KCNMA1: variants seen among roughly 807,000 people sequenced by gnomAD.
KCNMA1 encodes potassium calcium-activated channel subfamily M alpha 1.
Under a neutral mutation model 140.0 loss-of-function variants are expected in KCNMA1, and 29 were observed. That is an observed-to-expected ratio of 0.21 (90% confidence interval 0.15 to 0.28). The LOEUF (loss-of-function observed/expected upper bound fraction) is 0.28. KCNMA1 is among the 10% of genes least tolerant of loss of function. The pLI is 1.00. For synonymous variants in KCNMA1, 612 were observed against 611.9 expected, an observed-to-expected ratio of 1.00 and a Z score of 0.00; for missense variants, 880 against 1,602.2, an observed-to-expected ratio of 0.55 and a Z score of 7.70.
At chr10:77,462,015 G>A (rs1441111075) in intron 1 of KCNMA1, among the ~76,000 whole-genome samples, 10 of 150,954 alleles carry the variant, frequency 6.6e-5, no homozygotes, top group Admixed American at 6.0e-4. Context: ...ACACACACAT[G>A]CACACACACA....
intron 9 of KCNMA1, among the ~76,000 whole-genome samples, chr10:77,096,152 A>T (rs2096926995): frequency 6.6e-6 from 1 of 152,222 alleles, no homozygotes; most frequent in African/African-American, 2.4e-5. Flanking sequence ...TGCCAGATCC[A>T]GAGCACAACA....
chr10:77,547,459 G>T (rs1603635055), intron 1 of KCNMA1, among the ~76,000 whole-genome samples: 2 of 152,274 alleles, frequency 1.3e-5, no homozygotes, highest in African/African-American at 4.8e-5. Context: ...GGGAGGGAGG[G>T]CATACAGAGC....
chr10:77,489,344 AT>A (rs563271186), intron 1 of KCNMA1, among the ~76,000 whole-genome samples: 3 of 151,424 alleles, frequency 2.0e-5, no homozygotes, highest in Non-Finnish European at 2.9e-5. Flanking sequence ...TTATTTATTT[AT>A]TTTTTTTGAG....
intron 20 of KCNMA1, among the ~76,000 whole-genome samples, chr10:76,969,141 A>C (rs1485049155): frequency 1.3e-5 from 2 of 151,984 alleles, no homozygotes; most frequent in African/African-American, 4.8e-5. Context: ...GGGGAGATAA[A>C]AGACAGATAG....
At chr10:77,546,762 A>G (rs2061544216) in intron 1 of KCNMA1, among the ~76,000 whole-genome samples, 2 of 152,194 alleles carry the variant, frequency 1.3e-5, no homozygotes, top group African/African-American at 2.4e-5. Flanking sequence ...GCTCCCTGTC[A>G]GGGGAGCACA....
At chr10:77,167,820 C>T (rs2098660364) in intron 5 of KCNMA1, among the ~76,000 whole-genome samples, 1 of 151,854 alleles carries the variant, frequency 6.6e-6, no homozygotes, top group African/African-American at 2.4e-5. Flanking sequence ...ATAGCAGGAA[C>T]TTCAAACATG....
intron 2 of KCNMA1, among the ~76,000 whole-genome samples, chr10:77,382,990 G>GTATATATATATATATATA (rs1401181000): frequency 2.3e-5 from 1 of 42,582 alleles, no homozygotes; most frequent in Admixed American, 2.9e-4. Context: ...GTGTGTGTGT[G>GTATATATATATATATATA]TGTGTATATA....
At chr10:77,092,592 C>T (rs1029862032) in intron 9 of KCNMA1, among the ~76,000 whole-genome samples, 4 of 152,206 alleles carry the variant, frequency 2.6e-5, no homozygotes, top group Non-Finnish European at 4.4e-5. Flanking sequence ...ATGTGATTCC[C>T]TGCTCTGCGA....
At chr10:77,576,212 A>G (rs2074033350) in intron 1 of KCNMA1, among the ~76,000 whole-genome samples, 1 of 152,130 alleles carries the variant, frequency 6.6e-6, no homozygotes, top group Non-Finnish European at 1.5e-5. Context: ...CCAAATCTAC[A>G]TTCTTCCCAC....
At chr10:77,470,385 G>A (rs542222945) in intron 1 of KCNMA1, among the ~76,000 whole-genome samples, 2 of 152,092 alleles carry the variant, frequency 1.3e-5, no homozygotes, top group Non-Finnish European at 2.9e-5. Flanking sequence ...GGAAGACTCC[G>A]GGTGGCCTCA....
intron 1 of KCNMA1, among the ~76,000 whole-genome samples, chr10:77,563,132 T>C (rs1403758520): frequency 2.6e-5 from 4 of 152,184 alleles, no homozygotes; most frequent in Non-Finnish European, 4.4e-5. Flanking sequence ...GATTCTTTTT[T>C]TTTCCAAACC....
At chr10:77,218,439 G>A (rs1011465452) in intron 3 of KCNMA1, among the ~76,000 whole-genome samples, 3 of 152,120 alleles carry the variant, frequency 2.0e-5, no homozygotes, top group African/African-American at 7.2e-5. Flanking sequence ...ATAACTCACT[G>A]GAGCTGGGTA....
At chr10:77,567,778 T>C (rs1414913369) in intron 1 of KCNMA1, among the ~76,000 whole-genome samples, 1 of 150,334 alleles carries the variant, frequency 6.7e-6, no homozygotes, top group Non-Finnish European at 1.5e-5. Flanking sequence ...TCTGTAAAAC[T>C]GTAAATTATT....
chr10:77,603,390 T>C (rs552730913), intron 1 of KCNMA1, among the ~76,000 whole-genome samples: 6 of 152,136 alleles, frequency 3.9e-5, no homozygotes, highest in Admixed American at 1.3e-4. Flanking sequence ...CCATGGATCA[T>C]GAGGCTGAGA....
At chr10:77,182,971 A>G (rs1366335077) in intron 5 of KCNMA1, among the ~76,000 whole-genome samples, 2 of 152,106 alleles carry the variant, frequency 1.3e-5, no homozygotes, top group Non-Finnish European at 2.9e-5. Context: ...CCCTACAAAG[A>G]ACCTTGTACC....
At position 77,141,618 on chromosome 10, in the gene KCNMA1, T is replaced by C. The variant is rs1205576462; in HGVS notation, c.809-20570A>G. 3.3e-5 allele frequency among the ~76,000 whole-genome samples: 5 copies of C among 152,192 alleles called. No individual in the cohort carries two copies. The South Asian group carries it at 8.3e-4, about 25-fold the overall frequency. On this transcript the variant is annotated intron_variant, in intron 5 of 27. Transcript: ENST00000286628. ...CTGTGAGAAAATAAATCTCTGTTATTTCAGCCACCCAGTTTTTGATATCTT... is the reference window on the plus strand; with the variant it reads ...CTGTGAGAAAATAAATCTCTGTTATCTCAGCCACCCAGTTTTTGATATCTT...
intron 1 of KCNMA1, among the ~76,000 whole-genome samples, chr10:77,429,537 A>G (rs1426979103): frequency 1.3e-5 from 2 of 152,224 alleles, no homozygotes; most frequent in African/African-American, 4.8e-5. Flanking sequence ...TATTAATTTC[A>G]TAAGCTTCTC....
intron 16 of KCNMA1, chr10:77,025,567 C>CA (rs2093372922): frequency 1.2e-6 from 1 of 855,298 alleles, no homozygotes; most frequent in Non-Finnish European, 1.9e-6. Context: ...TTGAAGGATG[C>CA]ATGTGAAAAC....
At chr10:77,479,720 C>T (rs146077496) in intron 1 of KCNMA1, among the ~76,000 whole-genome samples, 51 of 152,326 alleles carry the variant, frequency 3.3e-4, no homozygotes, top group African/African-American at 1.2e-3. Context: ...AAGCCCTCGC[C>T]CCTGTGCCCC....
Sources: gnomAD v4.1 joint callset for allele counts (sites outside exome capture counted in the v4.1 genomes callset) on GRCh38, gnomAD v4.1.1 for gene constraint, MANE v1.5 for transcripts, NCBI Gene and HGNC (gene_info 2026-07-23, HGNC 2026-07-21) for gene names.